Variants in ANKS1B observed in about 807,000 individuals in gnomAD.
The protein encoded by ANKS1B is ankyrin repeat and sterile alpha motif domain-containing protein 1B.
Under a neutral mutation model 148.3 loss-of-function variants are expected in ANKS1B, and 36 were observed. That is an observed-to-expected ratio of 0.24 (90% CI 0.19 to 0.32). The LOEUF (loss-of-function observed/expected upper bound fraction) is 0.32, where lower values mean the gene tolerates loss of function less well. Ranked by LOEUF, ANKS1B falls within the 10% of genes least tolerant of loss-of-function variation. The pLI, the probability that ANKS1B is intolerant of heterozygous loss-of-function variation, is 1.00. For missense variants in ANKS1B, 1,157 were observed against 1,542.6 expected, an observed-to-expected ratio of 0.75 and a Z score of 4.19; for synonymous variants, 542 against 560.8, an observed-to-expected ratio of 0.97 and a Z score of 0.47.
At chr12:99,643,700 G>A (rs1224987321) in intron 9 of ANKS1B, among the ~76,000 whole-genome samples, 1 of 152,116 alleles carries the variant, frequency 6.6e-6, no homozygotes, top group Non-Finnish European at 1.5e-5. Context: ...CAAAGTCTCC[G>A]CTAATAAACC....
chr12:99,686,579 T>A (rs551406266), intron 8 of ANKS1B, among the ~76,000 whole-genome samples: 39 of 152,172 alleles, frequency 2.6e-4, no homozygotes, highest in Non-Finnish European at 5.0e-4. Context: ...GTAATAAAAC[T>A]ATGAATCAAG....
At chr12:99,464,454 C>T (rs1211780885) in intron 10 of ANKS1B, among the ~76,000 whole-genome samples, 3 of 152,118 alleles carry the variant, frequency 2.0e-5, no homozygotes, top group East Asian at 1.9e-4. Context: ...ATGACTTTGA[C>T]GAGTTGAGAG....
intron 5 of ANKS1B, among the ~76,000 whole-genome samples, chr12:99,780,861 CTA>C (rs2064229308): frequency 1.3e-5 from 2 of 152,222 alleles, no homozygotes; most frequent in South Asian, 2.1e-4. Flanking sequence ...GTCAAATACT[CTA>C]TGATATTTAT....
At chr12:98,928,066 A>G (rs2099810333) in intron 17 of ANKS1B, among the ~76,000 whole-genome samples, 1 of 151,530 alleles carries the variant, frequency 6.6e-6, no homozygotes, top group South Asian at 2.1e-4. Context: ...AAAAAAAAAG[A>G]CTCGAATTTC....
intron 1 of ANKS1B, among the ~76,000 whole-genome samples, chr12:99,892,928 T>C (rs554430174): frequency 2.6e-5 from 4 of 152,316 alleles, no homozygotes; most frequent in African/African-American, 4.8e-5. Flanking sequence ...TAGAAGAATC[T>C]GGATGTCCAA....
intron 8 of ANKS1B, among the ~76,000 whole-genome samples, chr12:99,739,636 G>C (rs12371279): frequency 0.18 from 27,492 of 152,018 alleles, 3,162 homozygotes; most frequent in East Asian, 0.55. Context: ...CCCCTTCCAC[G>C]TCTCTTTGAC....
chr12:99,652,772 C>G (rs1480627270), intron 9 of ANKS1B, among the ~76,000 whole-genome samples: 1 of 151,878 alleles, frequency 6.6e-6, no homozygotes, highest in African/African-American at 2.4e-5. Flanking sequence ...AATAAACAAG[C>G]CTTCAGAAGT....
At chr12:99,543,088 T>C (rs984497085) in intron 9 of ANKS1B, among the ~76,000 whole-genome samples, 1 of 152,090 alleles carries the variant, frequency 6.6e-6, no homozygotes, top group African/African-American at 2.4e-5. Context: ...ATATTTGATA[T>C]GGGACTTGTA....
chr12:99,115,970 G>A (rs1056876061), intron 15 of ANKS1B, among the ~76,000 whole-genome samples: 3 of 151,470 alleles, frequency 2.0e-5, no homozygotes, highest in Admixed American at 1.3e-4. Context: ...TCTTAAGCTG[G>A]ATTGCCTGTG....
At chr12:99,377,627 G>A (rs967938880) in intron 12 of ANKS1B, among the ~76,000 whole-genome samples, 8 of 152,128 alleles carry the variant, frequency 5.3e-5, no homozygotes, top group African/African-American at 1.4e-4. Flanking sequence ...TTCAAAATTT[G>A]TTTAGACAAA....
At chr12:99,547,929 G>A (rs540974109) in intron 9 of ANKS1B, among the ~76,000 whole-genome samples, 9 of 152,206 alleles carry the variant, frequency 5.9e-5, no homozygotes, top group Non-Finnish European at 1.2e-4. Context: ...CAGAAGATTC[G>A]GGTTGTTTTT....
chr12:99,503,914 T>C (rs2096680915), intron 10 of ANKS1B, among the ~76,000 whole-genome samples: 1 of 152,174 alleles, frequency 6.6e-6, no homozygotes, highest in Admixed American at 6.6e-5. Context: ...AAAGAAACTA[T>C]AATGGTAGTC....
At chr12:99,445,800 C>T (rs1182378798) in intron 10 of ANKS1B, among the ~76,000 whole-genome samples, 4 of 151,976 alleles carry the variant, frequency 2.6e-5, no homozygotes, top group Admixed American at 2.6e-4. Context: ...CAGCTCACTA[C>T]AGCCTCAACT....
chr12:98,992,431 G>A (rs2099927184), intron 17 of ANKS1B, among the ~76,000 whole-genome samples: 1 of 152,050 alleles, frequency 6.6e-6, no homozygotes, highest in Non-Finnish European at 1.5e-5. Context: ...GGATCCTGGG[G>A]GTGATTTCCC....
chr12:99,443,515 A>C (rs1261971513), intron 11 of ANKS1B, among the ~76,000 whole-genome samples, 158 bp downstream of exon 11: 1 of 152,100 alleles, frequency 6.6e-6, no homozygotes, highest in South Asian at 2.1e-4. Context: ...ACCAACTTGA[A>C]AGGAAGCAAA....
intron 17 of ANKS1B, among the ~76,000 whole-genome samples, chr12:98,845,155 T>C (rs949192324): frequency 6.6e-6 from 1 of 152,198 alleles, no homozygotes; most frequent in East Asian, 1.9e-4. Flanking sequence ...TTTTACCAAA[T>C]AAATAATCTC....
At chr12:99,174,564 C>T (rs78514381) in intron 14 of ANKS1B, among the ~76,000 whole-genome samples, 12 of 152,186 alleles carry the variant, frequency 7.9e-5, no homozygotes, top group African/African-American at 2.4e-4. Context: ...CTCTGCTGTA[C>T]ACACAGGGCA....
intron 8 of ANKS1B, among the ~76,000 whole-genome samples, chr12:99,731,128 T>C (rs2059104010): frequency 6.6e-6 from 1 of 151,760 alleles, no homozygotes; most frequent in South Asian, 2.1e-4. Flanking sequence ...TGTTTATTTG[T>C]TTGTTTTTGA....
chr12:99,299,497 C>T (rs1460029189), intron 12 of ANKS1B, among the ~76,000 whole-genome samples: 3 of 152,096 alleles, frequency 2.0e-5, no homozygotes, highest in Non-Finnish European at 4.4e-5. Flanking sequence ...TTCTTTATTC[C>T]TCTTGAACTG....
Sources: gnomAD v4.1 joint callset for allele counts (sites outside exome capture counted in the v4.1 genomes callset) on GRCh38, gnomAD v4.1.1 for gene constraint, MANE v1.5 for transcripts, NCBI Gene and HGNC (gene_info 2026-07-23, HGNC 2026-07-21) for gene names.